Variants in IKZF1 observed in about 807,000 individuals in gnomAD.
The protein encoded by IKZF1 is IKAROS family zinc finger 1.
Under a neutral mutation model 51.7 loss-of-function variants are expected in IKZF1, and 10 were observed. The observed-to-expected ratio is 0.19, with a 90% CI of 0.12 to 0.33. IKZF1 has a LOEUF of 0.33. Ranked by LOEUF, IKZF1 falls within the 10% of genes least tolerant of loss-of-function variation. The pLI is 1.00. For synonymous variants in IKZF1, 280 were observed against 282.3 expected, an observed-to-expected ratio of 0.99 and a Z score of 0.08; for missense variants, 484 against 707.5, an observed-to-expected ratio of 0.68 and a Z score of 3.58.
At chr7:50,331,997 A>C (rs1298129549) in intron 3 of IKZF1, among the ~76,000 whole-genome samples, 3 of 152,320 alleles carry the variant, frequency 2.0e-5, no homozygotes, top group African/African-American at 7.2e-5. Flanking sequence ...GTCTTTTTAA[A>C]AACTAGAGAA....
intron 3 of IKZF1, among the ~76,000 whole-genome samples, chr7:50,373,208 G>A (rs551875521): frequency 9.2e-5 from 14 of 152,304 alleles, no homozygotes; most frequent in African/African-American, 3.1e-4. Context: ...TAGCAGAACC[G>A]GTGTTCCTGA....
chr7:50,332,060 A>T (rs1445936089), intron 3 of IKZF1, among the ~76,000 whole-genome samples: 3 of 152,158 alleles, frequency 2.0e-5, no homozygotes, highest in African/African-American at 4.8e-5. Context: ...CCGAGGATGC[A>T]CTCAGTGACC....
intron 3 of IKZF1, among the ~76,000 whole-genome samples, chr7:50,347,005 G>A (rs1800548599): frequency 6.6e-6 from 1 of 152,216 alleles, no homozygotes; most frequent in Admixed American, 6.5e-5. Flanking sequence ...CTCAGGAACA[G>A]CCCTGAAGAC....
chr7:50,353,757 C>T (rs1218051793), intron 3 of IKZF1, among the ~76,000 whole-genome samples: 2 of 152,212 alleles, frequency 1.3e-5, no homozygotes, highest in Admixed American at 6.5e-5. Context: ...CACAAACACT[C>T]GCATTTATTA....
At chr7:50,375,681 C>A (rs1810025502) in intron 3 of IKZF1, among the ~76,000 whole-genome samples, 1 of 150,350 alleles carries the variant, frequency 6.7e-6, no homozygotes. Context: ...TCATTGTATT[C>A]AAGACACTAA....
chr7:50,375,003 A>G (rs980907603), intron 3 of IKZF1, among the ~76,000 whole-genome samples: 6 of 152,240 alleles, frequency 3.9e-5, no homozygotes, highest in Non-Finnish European at 8.8e-5. Context: ...GGGCCCACCG[A>G]GAGTTCCTGA....
intron 1 of IKZF1, among the ~76,000 whole-genome samples, chr7:50,309,147 A>T (rs1789541907): frequency 6.6e-6 from 1 of 152,192 alleles, no homozygotes; most frequent in South Asian, 2.1e-4. Context: ...CCACGGCTTA[A>T]CAAATGGCTG....
At chr7:50,382,457 G>A (rs912968110) in intron 4 of IKZF1, 83 bp from the exon 5 acceptor site, 7 of 1,474,772 alleles carry the variant, frequency 4.7e-6, no homozygotes, top group East Asian at 5.0e-5. Flanking sequence ...CCAGGCCCCC[G>A]TGGGAAACAA....
In IKZF1 at chr7:50,318,895, C is replaced by A. The variant is rs553039633; in HGVS notation, c.-14-153C>A. On this transcript the variant is annotated intron_variant, in intron 1 of 7. Coordinates refer to ENST00000331340, the MANE Select transcript of IKZF1 (RefSeq NM_006060.6). ...TAAAAGGATCAAGGTCTGTGCCAGT[C>A]TGATACTCCAGCAAGTATGTGAGGA... Among the ~76,000 whole-genome samples the A allele has an allele frequency of 4.6e-5, 7 of 152,300 alleles. No homozygotes were observed. The South Asian group carries it at 1.0e-3, about 23-fold the overall frequency.
At chr7:50,357,162 A>G (rs983928473) in intron 3 of IKZF1, among the ~76,000 whole-genome samples, 11 of 151,772 alleles carry the variant, frequency 7.2e-5, no homozygotes, top group African/African-American at 2.7e-4. Flanking sequence ...TCTTCTAGGC[A>G]TCTCCATCCC....
chr7:50,368,900 G>T (rs1446471564), intron 3 of IKZF1: 2 of 220,772 alleles, frequency 9.1e-6, no homozygotes, highest in African/African-American at 2.2e-5. Context: ...GCTCTAATTT[G>T]AACAGTGCCA....
intron 3 of IKZF1, among the ~76,000 whole-genome samples, chr7:50,373,504 T>G (rs1809331675): frequency 6.6e-6 from 1 of 152,234 alleles, no homozygotes; most frequent in Non-Finnish European, 1.5e-5. Context: ...CAATGCCTGT[T>G]CTGCGTGGTG....
intron 3 of IKZF1, among the ~76,000 whole-genome samples, chr7:50,347,968 C>T (rs1176581089): frequency 1.3e-5 from 2 of 152,210 alleles, no homozygotes; most frequent in African/African-American, 4.8e-5. Flanking sequence ...CGACTCATAC[C>T]AGGGAGGCCC....
chr7:50,343,446 C>A (rs369331691), intron 3 of IKZF1, among the ~76,000 whole-genome samples: 10 of 152,214 alleles, frequency 6.6e-5, no homozygotes, highest in African/African-American at 2.4e-4. Flanking sequence ...GGCACACCAT[C>A]CTGTGTGATA....
At chr7:50,371,072 C>G (rs144587273) in intron 3 of IKZF1, among the ~76,000 whole-genome samples, 255 of 152,218 alleles carry the variant, frequency 1.7e-3, no homozygotes, top group African/African-American at 5.4e-3. Flanking sequence ...ATCGGGCAGG[C>G]GGGTTCATGG....
intron 2 of IKZF1, among the ~76,000 whole-genome samples, chr7:50,323,596 G>A (rs76733282): frequency 0.058 from 8,830 of 152,248 alleles, 306 homozygotes; most frequent in Middle Eastern, 0.13. Context: ...AAGTGTAAAT[G>A]TGTATTTTTA....
chr7:50,392,407 GAAC>G (rs1562894690), intron 7 of IKZF1, among the ~76,000 whole-genome samples: 3 of 151,992 alleles, frequency 2.0e-5, no homozygotes, highest in African/African-American at 7.3e-5. Context: ...AGAAGAAGAA[GAAC>G]AAGACCATTC....
At chr7:50,355,204 A>T (rs1209324413) in intron 3 of IKZF1, among the ~76,000 whole-genome samples, 1 of 152,192 alleles carries the variant, frequency 6.6e-6, no homozygotes, top group East Asian at 1.9e-4. Flanking sequence ...GGAAATTCAC[A>T]TGGGGAAGGG....
chr7:50,365,018 C>G (rs1806441885), intron 3 of IKZF1, among the ~76,000 whole-genome samples: 2 of 152,230 alleles, frequency 1.3e-5, no homozygotes, highest in Admixed American at 6.5e-5. Context: ...CATTAACACA[C>G]AAACACACTT....
Sources: allele counts gnomAD v4.1 joint callset (sites outside exome capture counted in the v4.1 genomes callset), GRCh38; gene constraint gnomAD v4.1.1; transcripts MANE v1.5; gene names NCBI Gene and HGNC (gene_info 2026-07-23, HGNC 2026-07-21).